TGFBR1: variants seen among roughly 807,000 people sequenced by gnomAD.
The protein encoded by TGFBR1 is TGF-beta receptor type-1.
In TGFBR1, 20 loss-of-function variants were observed where a neutral mutation model predicts 55.1. The observed-to-expected ratio is 0.36, with a 90% CI of 0.26 to 0.53. The LOEUF (loss-of-function observed/expected upper bound fraction) is 0.53, where lower values mean the gene tolerates loss of function less well. Among genes scored for constraint, TGFBR1 ranks in the 20% least tolerant of loss-of-function variants. The pLI, the probability that TGFBR1 is intolerant of heterozygous loss-of-function variation, is 0.91. For synonymous variants in TGFBR1, 220 were observed against 214.8 expected (o/e 1.02, Z -0.21); for missense variants, 385 against 617.6 (o/e 0.62, Z 3.99).
chr9:99,114,095 T>C lies in TGFBR1; in HGVS notation c.97+8793T>C, dbSNP rs376658925. Among the ~76,000 whole-genome samples the C allele has an allele frequency of 1.5e-4, 23 of 152,336 alleles. No homozygotes were observed. In the East Asian group the frequency reaches 2.5e-3, roughly 17 times the overall value. The stretch of plus-strand genomic sequence containing the variant: ...TGGCTTCAAGATGAGCAGTATCTTG[T>C]TGCTCCTGTATTATACGAGAAAAGT... On this transcript the variant is annotated intron_variant, in intron 1 of 8. Coordinates refer to ENST00000374994, the MANE Select transcript of TGFBR1 (RefSeq NM_004612.4).
At chr9:99,135,264 A>G (rs1057499675) in intron 3 of TGFBR1, among the ~76,000 whole-genome samples, 1 of 152,168 alleles carries the variant, frequency 6.6e-6, no homozygotes, top group African/African-American at 2.4e-5. Context: ...TCCAGGCAGA[A>G]GCCATCTTCT....
At chr9:99,117,393 C>T (rs1341835027) in intron 1 of TGFBR1, among the ~76,000 whole-genome samples, 6 of 151,988 alleles carry the variant, frequency 3.9e-5, no homozygotes, top group East Asian at 1.9e-4. Context: ...CCACCGTGCC[C>T]GGCCTTCAAT....
chr9:99,134,809 T>TC (rs1827374729), intron 3 of TGFBR1, among the ~76,000 whole-genome samples: 3 of 16,750 alleles, frequency 1.8e-4, no homozygotes, highest in African/African-American at 7.8e-4. Context: ...CCATTATATA[T>TC]ATATATATAT....
At chr9:99,139,729 A>G (rs1255510655) in intron 4 of TGFBR1, among the ~76,000 whole-genome samples, 5 of 152,246 alleles carry the variant, frequency 3.3e-5, no homozygotes, top group African/African-American at 4.8e-5. Context: ...ATTGTCTCCT[A>G]TTAAAAAAAT....
At chr9:99,118,340 A>G (rs1230426450) in intron 1 of TGFBR1, among the ~76,000 whole-genome samples, 1 of 152,156 alleles carries the variant, frequency 6.6e-6, no homozygotes, top group African/African-American at 2.4e-5. Context: ...CTACACTCAG[A>G]CTTCTAATAC....
At chr9:99,148,467 T>A (rs1377487830) in intron 8 of TGFBR1, among the ~76,000 whole-genome samples, 1 of 152,202 alleles carries the variant, frequency 6.6e-6, no homozygotes, top group Non-Finnish European at 1.5e-5. Flanking sequence ...GCAGAGCATA[T>A]TCCTCCAGGT....
intron 3 of TGFBR1, among the ~76,000 whole-genome samples, chr9:99,135,768 T>C (rs1827418463): frequency 6.6e-6 from 1 of 152,148 alleles, no homozygotes; most frequent in Non-Finnish European, 1.5e-5. Context: ...TCTCAAACAG[T>C]TCTAAAGGTA....
chr9:99,138,997 C>A (rs1017682123), intron 4 of TGFBR1, among the ~76,000 whole-genome samples: 24 of 152,070 alleles, frequency 1.6e-4, no homozygotes, highest in Middle Eastern at 6.8e-3. Context: ...GGGGTTTCAC[C>A]ATGTTGGCCA....
At chr9:99,113,425 G>T (rs1440413106) in intron 1 of TGFBR1, among the ~76,000 whole-genome samples, 1 of 152,080 alleles carries the variant, frequency 6.6e-6, no homozygotes, top group African/African-American at 2.4e-5. Context: ...TTTCTATTTG[G>T]ATTGATCTAA....
At chr9:99,124,876 T>G (rs949640105) in intron 1 of TGFBR1, among the ~76,000 whole-genome samples, 2 of 152,144 alleles carry the variant, frequency 1.3e-5, no homozygotes, top group Admixed American at 6.5e-5. Context: ...AATGACCTCT[T>G]TGAAAGGAGA....
intron 3 of TGFBR1, among the ~76,000 whole-genome samples, chr9:99,135,450 A>G (rs928180): frequency 0.071 from 10,797 of 152,246 alleles, 467 homozygotes; most frequent in Middle Eastern, 0.085. Flanking sequence ...TTCTGAATTC[A>G]TATGTTTATT....
chr9:99,122,590 T>C (rs1031850803), intron 1 of TGFBR1, among the ~76,000 whole-genome samples: 1 of 152,122 alleles, frequency 6.6e-6, no homozygotes, highest in Admixed American at 6.6e-5. Context: ...TCCTGTTGTC[T>C]CTTTTTCCTC....
At chr9:99,103,962 A>G (rs1031621529), upstream of TGFBR1, 1 of 152,230 alleles carries the variant, frequency 6.6e-6, no homozygotes, top group Non-Finnish European at 1.5e-5. Flanking sequence ...CACAGAAAAT[A>G]AAATTTCCTC....
At chr9:99,114,105 A>G (rs1826661758) in intron 1 of TGFBR1, among the ~76,000 whole-genome samples, 2 of 152,192 alleles carry the variant, frequency 1.3e-5, no homozygotes, top group East Asian at 1.9e-4. Flanking sequence ...TTGCTCCTGT[A>G]TTATACGAGA....
At position 99,110,182 on chromosome 9, in the gene TGFBR1, A is replaced by G. The variant is rs536926746; in HGVS notation, c.97+4880A>G. ...TTGGTTTTATGGTCCAATTTTATAG[A>G]TCAGATCAAGTCTTTTATAAAGCTG... On this transcript the variant is annotated intron_variant, in intron 1 of 8. Coordinates refer to ENST00000374994, the MANE Select transcript of TGFBR1 (RefSeq NM_004612.4). Among the ~76,000 whole-genome samples the G allele has an allele frequency of 1.1e-4, 16 of 152,316 alleles. No homozygotes were observed. The South Asian group carries it at 3.3e-3, about 32-fold the overall frequency.
intron 3 of TGFBR1, among the ~76,000 whole-genome samples, chr9:99,136,367 G>T (rs1014238177): frequency 2.6e-5 from 4 of 152,140 alleles, no homozygotes; most frequent in African/African-American, 4.8e-5. Flanking sequence ...ATTTGTGTTT[G>T]TGATTCCTTT....
intron 3 of TGFBR1, among the ~76,000 whole-genome samples, chr9:99,134,543 C>A (rs1035752308): frequency 6.6e-6 from 1 of 152,026 alleles, no homozygotes; most frequent in Non-Finnish European, 1.5e-5. Context: ...CTGCTCAAAA[C>A]TGTGATAATC....
intron 3 of TGFBR1, among the ~76,000 whole-genome samples, chr9:99,136,366 T>G (rs1171890537): frequency 1.3e-5 from 2 of 152,230 alleles, no homozygotes; most frequent in Admixed American, 6.5e-5. Flanking sequence ...AATTTGTGTT[T>G]GTGATTCCTT....
At chr9:99,127,933 T>A (rs1827086319) in intron 1 of TGFBR1, 1 of 455,910 alleles carries the variant, frequency 2.2e-6, no homozygotes, top group Non-Finnish European at 4.4e-6. Flanking sequence ...CAGAAATGAC[T>A]AATACAGGTA....
Sources: allele counts gnomAD v4.1 joint callset (sites outside exome capture counted in the v4.1 genomes callset), GRCh38; gene constraint gnomAD v4.1.1; transcripts MANE v1.5; gene names NCBI Gene and HGNC (gene_info 2026-07-23, HGNC 2026-07-21).